FGD5: variants seen among roughly 807,000 people sequenced by gnomAD.
FGD5 encodes the protein FYVE, RhoGEF and PH domain-containing protein 5.
A neutral mutation model predicts 133.4 loss-of-function variants in FGD5; 28 were observed. That is an observed-to-expected ratio of 0.21 (90% CI 0.16 to 0.29). FGD5 has a LOEUF of 0.29. Ranked by LOEUF, FGD5 falls within the 10% of genes least tolerant of loss-of-function variation. The pLI is 1.00. For missense variants in FGD5, 1,858 were observed against 1,895.2 expected, an observed-to-expected ratio of 0.98 and a Z score of 0.36; for synonymous variants, 810 against 776.5, an observed-to-expected ratio of 1.04 and a Z score of -0.72.
intron 2 of FGD5, among the ~76,000 whole-genome samples, chr3:14,868,949 G>C (rs2037553056): frequency 6.6e-6 from 1 of 152,154 alleles, no homozygotes; most frequent in Non-Finnish European, 1.5e-5. Context: ...GGGGATGGAA[G>C]GTAAACCAGA....
intron 2 of FGD5, among the ~76,000 whole-genome samples, chr3:14,869,463 G>A (rs764104119): frequency 3.3e-5 from 5 of 152,150 alleles, no homozygotes; most frequent in Admixed American, 1.3e-4. Context: ...ATCCACCATC[G>A]TAACCATTTT....
chr3:14,819,966 C>T lies in FGD5; in HGVS notation c.895C>T (p.His299Tyr), dbSNP rs1239239899. Residue 299 changes from histidine to tyrosine, a missense_variant, in exon 1 of 20, where the codon CAC becomes TAC. Coordinates refer to ENST00000285046, the MANE Select transcript of FGD5 (RefSeq NM_152536.4). This position sits in a 1 kb window ranked among gnomAD's most constrained non-coding sequence, Gnocchi z 4.1. ...GGTTGACCTCAGTGAACCACCTGAC[C>T]ACGAGAAGAAAACCAACCAAGAAGT... ...EQVDLSEPPD[H>Y]EKKTNQEVAA... 3.1e-6 allele frequency: 5 copies of T among 1,613,786 alleles called. No individual in the cohort carries two copies. Among genetic ancestry groups the T allele is most frequent in the African/African-American group, 1.3e-5 (1 of 74,906 alleles).
At chr3:14,896,262 T>C (rs1311904885) in intron 4 of FGD5, among the ~76,000 whole-genome samples, 2 of 152,078 alleles carry the variant, frequency 1.3e-5, no homozygotes, top group Non-Finnish European at 2.9e-5. Context: ...CCAATGACAT[T>C]CTTCACAAAA....
intron 1 of FGD5, among the ~76,000 whole-genome samples, chr3:14,840,105 A>AAC (rs978769579): frequency 1.3e-5 from 2 of 151,580 alleles, no homozygotes; most frequent in Admixed American, 6.6e-5. Context: ...ATGCACAGGT[A>AAC]ACACACACAC....
In FGD5 at chr3:14,821,091, A is replaced by T. The variant is rs1164004961; in HGVS notation, c.2020A>T (p.Asn674Tyr). ...KTENKLHVDV[N>Y]VSSSRSSSES... is the part of the protein sequence containing the mutation. ...GGAGAACAAATTGCATGTGGATGTG[A>T]ACGTGTCTTCCTCTAGGTCCTCTTC... The change falls in exon 1 of 20, where the codon AAC (asparagine) becomes TAC (tyrosine). Residue 674 changes from asparagine to tyrosine, a missense_variant. Transcript: ENST00000285046. 1.2e-6 allele frequency: 2 copies of T among 1,613,840 alleles called. No individual in the cohort carries two copies. The highest frequency in any genetic ancestry group is 2.7e-5 in the African/African-American group (2 of 74,922).
At chr3:14,892,570 C>T (rs2038050753) in intron 4 of FGD5, among the ~76,000 whole-genome samples, 2 of 152,180 alleles carry the variant, frequency 1.3e-5, no homozygotes, top group African/African-American at 4.8e-5. Context: ...GTAATCCTAG[C>T]ACTTTGGGAG....
intron 1 of FGD5, among the ~76,000 whole-genome samples, chr3:14,830,750 A>T (rs2036691352): frequency 6.6e-6 from 1 of 152,152 alleles, no homozygotes; most frequent in South Asian, 2.1e-4. Context: ...AATGGGGATG[A>T]GGCTGTCAGG....
chr3:14,844,216 AAATATATATATATATATATAT>A (rs1301724577), intron 1 of FGD5, among the ~76,000 whole-genome samples: 20 of 30,380 alleles, frequency 6.6e-4, no homozygotes, highest in Middle Eastern at 0.016. Context: ...AAAAAAAAAA[AAATATATATATATATATATAT>A]ATATATATAT....
intron 8 of FGD5, 57 bp from the exon 9 acceptor site, chr3:14,900,946 G>A: frequency 6.2e-7 from 1 of 1,603,212 alleles, no homozygotes; most frequent in Non-Finnish European, 8.5e-7. Context: ...CACTACAGTG[G>A]GGAAAATTGA....
At chr3:14,907,374 G>T (rs894590834) in intron 9 of FGD5, among the ~76,000 whole-genome samples, 1 of 152,172 alleles carries the variant, frequency 6.6e-6, no homozygotes, top group African/African-American at 2.4e-5. Context: ...GAGAGCGTAG[G>T]AGCAGTTGTC....
chr3:14,864,334 CT>C (rs200578390), intron 2 of FGD5, 74 bp downstream of exon 2: 36,058 of 1,604,674 alleles, frequency 0.022, 451 homozygotes, highest in Non-Finnish European at 0.026. Flanking sequence ...AGATCTGCTC[CT>C]TCCCTTGGTG....
In FGD5 at chr3:14,819,845, G is replaced by C. The variant is rs760969315; in HGVS notation, c.774G>C (p.Glu258Asp). The C allele has an allele frequency of 6.2e-7, 1 of 1,610,192 alleles. No individual in the cohort carries two copies. Among genetic ancestry groups the C allele is most frequent in the Non-Finnish European group, 8.5e-7 (1 of 1,178,252 alleles). ...DTSEEPPEKE[E>D]LAGVQEAETA... ...GTGAGGAGCCCCCTGAGAAGGAGGA[G>C]CTGGCCGGGGTCCAGGAGGCAGAGA... Residue 258 changes from glutamate to aspartate, a missense_variant, in exon 1 of 20, where the codon GAG becomes GAC. Glu to Asp is a conservative substitution (Grantham distance 45). Around this residue, in one of 3 missense-constraint regions of FGD5, gnomAD observed 1,824 missense variants for 1,848.9 expected, o/e 0.99. Coordinates refer to ENST00000285046, the MANE Select transcript of FGD5 (RefSeq NM_152536.4). This position sits in a 1 kb window ranked among gnomAD's most constrained non-coding sequence, Gnocchi z 4.1.
chr3:14,910,216 T>G (rs2038420512), intron 10 of FGD5, among the ~76,000 whole-genome samples: 2 of 152,226 alleles, frequency 1.3e-5, no homozygotes, highest in South Asian at 4.1e-4. Flanking sequence ...GTGAATTGCT[T>G]TGCCAGGTTT....
intron 4 of FGD5, among the ~76,000 whole-genome samples, chr3:14,881,898 T>G (rs1475743196): frequency 6.6e-6 from 1 of 152,110 alleles, no homozygotes; most frequent in Non-Finnish European, 1.5e-5. Context: ...CATCTCTGGG[T>G]GTACCAGAGC....
At chr3:14,923,416 G>A in intron 16 of FGD5, 1 of 547,864 alleles carries the variant, frequency 1.8e-6, no homozygotes, top group South Asian at 2.2e-5. Context: ...GAATCAGTGT[G>A]TGTGTAAGGG....
chr3:14,926,313 C>G, intron 18 of FGD5, 115 bp downstream of exon 18: 1 of 1,402,572 alleles, frequency 7.1e-7, no homozygotes. Flanking sequence ...TGAGCCAGTT[C>G]TGGTGGCAGT....
intron 10 of FGD5, among the ~76,000 whole-genome samples, chr3:14,909,393 C>G (rs1393390069): frequency 6.6e-6 from 1 of 152,194 alleles, no homozygotes; most frequent in Non-Finnish European, 1.5e-5. Context: ...AACAATAGTT[C>G]CACGGGTCAA....
At chr3:14,889,312 T>C (rs945174945) in intron 4 of FGD5, among the ~76,000 whole-genome samples, 5 of 151,960 alleles carry the variant, frequency 3.3e-5, no homozygotes, top group Non-Finnish European at 7.4e-5. Flanking sequence ...CACATGAGAG[T>C]GGTTTAGCTT....
intron 2 of FGD5, among the ~76,000 whole-genome samples, chr3:14,878,516 T>C (rs2037763007): frequency 6.6e-6 from 1 of 152,190 alleles, no homozygotes. Context: ...AATAATTCCA[T>C]AGTGCTTGCT....
Sources: allele counts gnomAD v4.1 joint callset (sites outside exome capture counted in the v4.1 genomes callset), GRCh38; gene constraint gnomAD v4.1.1; regional missense constraint gnomAD v4.1.1; non-coding constraint Gnocchi (gnomAD v3.1); transcripts MANE v1.5; gene names NCBI Gene and HGNC (gene_info 2026-07-23, HGNC 2026-07-21).